The following CSMD3 variants were observed in gnomAD, a reference collection of about 807,000 sequenced individuals.
CSMD3 encodes the protein CUB and sushi domain-containing protein 3.
In CSMD3, 177 loss-of-function variants were observed where a neutral mutation model predicts 435.2. The observed-to-expected ratio is 0.41, with a 90% CI of 0.36 to 0.46. The LOEUF is 0.46. CSMD3 is among the 20% of genes least tolerant of loss of function. CSMD3 has a pLI of 0.34. For synonymous variants in CSMD3, 1,656 were observed against 1,520.5 expected, an observed-to-expected ratio of 1.09 and a Z score of -2.07; for missense variants, 4,265 against 4,504.6, an observed-to-expected ratio of 0.95 and a Z score of 1.52.
intron 38 of CSMD3, among the ~76,000 whole-genome samples, chr8:112,368,729 G>A (rs944192634): frequency 5.3e-5 from 8 of 152,114 alleles, no homozygotes; most frequent in African/African-American, 1.9e-4. Context: ...TAATACAGGA[G>A]TTAGGACTAA....
intron 13 of CSMD3, among the ~76,000 whole-genome samples, chr8:112,765,140 G>A (rs1404754264): frequency 3.3e-5 from 5 of 151,614 alleles, no homozygotes; most frequent in Non-Finnish European, 7.4e-5. Context: ...GTCACTAAAA[G>A]TAAAAAGGAG....
chr8:113,096,685 C>T (rs2090172069), intron 5 of CSMD3, among the ~76,000 whole-genome samples: 1 of 152,010 alleles, frequency 6.6e-6, no homozygotes, highest in Non-Finnish European at 1.5e-5. Context: ...CTTTCTTTCC[C>T]TCCTACTGCC....
At chr8:112,424,349 A>T (rs1392060151) in intron 32 of CSMD3, among the ~76,000 whole-genome samples, 2 of 152,222 alleles carry the variant, frequency 1.3e-5, no homozygotes, top group African/African-American at 4.8e-5. Flanking sequence ...TTTAAAAATT[A>T]ATTTTAAAGC....
At chr8:112,848,686 C>T (rs1372505652) in intron 11 of CSMD3, among the ~76,000 whole-genome samples, 1 of 152,034 alleles carries the variant, frequency 6.6e-6, no homozygotes, top group Non-Finnish European at 1.5e-5. Context: ...ACTCCTATGA[C>T]ATGGTGAGGC....
At chr8:112,614,944 G>A (rs1424813351) in intron 22 of CSMD3, among the ~76,000 whole-genome samples, 1 of 151,872 alleles carries the variant, frequency 6.6e-6, no homozygotes, top group Non-Finnish European at 1.5e-5. Context: ...AAAAATTGGA[G>A]TTGTTGAGTT....
chr8:113,118,501 G>A (rs536595810), intron 4 of CSMD3, among the ~76,000 whole-genome samples: 110 of 152,084 alleles, frequency 7.2e-4, no homozygotes, highest in African/African-American at 2.3e-3. Context: ...TGTTATATTT[G>A]TAAAATTATT....
At chr8:113,052,664 C>G (rs1316243369) in intron 5 of CSMD3, among the ~76,000 whole-genome samples, 6 of 152,034 alleles carry the variant, frequency 3.9e-5, no homozygotes, top group Non-Finnish European at 7.4e-5. Context: ...TGCCTATAGT[C>G]CAAGCTACTT....
intron 6 of CSMD3, among the ~76,000 whole-genome samples, chr8:113,011,982 T>C (rs1186570886): frequency 6.6e-6 from 1 of 151,722 alleles, no homozygotes; most frequent in Non-Finnish European, 1.5e-5. Context: ...AAAAATTGTT[T>C]TAAAAAAGAA....
intron 53 of CSMD3, among the ~76,000 whole-genome samples, chr8:112,297,854 C>T (rs1466277845): frequency 1.3e-5 from 2 of 151,932 alleles, no homozygotes; most frequent in African/African-American, 2.4e-5. Flanking sequence ...GGCACAGTGG[C>T]TTATGCCTAT....
At chr8:113,333,381 A>T (rs1422520322) in intron 1 of CSMD3, among the ~76,000 whole-genome samples, 1 of 151,798 alleles carries the variant, frequency 6.6e-6, no homozygotes, top group East Asian at 1.9e-4. Context: ...CATTTTTTGT[A>T]TCTATTTTTC....
chr8:112,716,150 C>A (rs944838693), intron 13 of CSMD3, among the ~76,000 whole-genome samples: 9 of 152,128 alleles, frequency 5.9e-5, no homozygotes, highest in Non-Finnish European at 1.2e-4. Context: ...TGTTTTCAGA[C>A]TACATGATTT....
At chr8:113,371,033 G>A (rs796162199) in intron 1 of CSMD3, among the ~76,000 whole-genome samples, 1 of 152,066 alleles carries the variant, frequency 6.6e-6, no homozygotes, top group African/African-American at 2.4e-5. Flanking sequence ...ATAGGTATGC[G>A]GAACTTAATC....
intron 12 of CSMD3, among the ~76,000 whole-genome samples, chr8:112,813,594 A>G (rs2079288206): frequency 6.6e-6 from 1 of 152,102 alleles, no homozygotes; most frequent in African/African-American, 2.4e-5. Flanking sequence ...ACTTACAGCA[A>G]AATTTTCGCT....
At chr8:112,910,820 A>G (rs997227786) in intron 10 of CSMD3, among the ~76,000 whole-genome samples, 2 of 151,912 alleles carry the variant, frequency 1.3e-5, no homozygotes. Flanking sequence ...ATTATTAGCC[A>G]TGTGGCTTAT....
chr8:112,862,911 T>C (rs1482310548), intron 10 of CSMD3, among the ~76,000 whole-genome samples: 3 of 152,118 alleles, frequency 2.0e-5, no homozygotes, highest in Admixed American at 2.0e-4. Flanking sequence ...ATAGTATCAA[T>C]CATTATGCTT....
chr8:113,013,078 C>A (rs1360190314), intron 6 of CSMD3, among the ~76,000 whole-genome samples: 3 of 151,962 alleles, frequency 2.0e-5, no homozygotes, highest in African/African-American at 7.2e-5. Context: ...TCTCTCTTTA[C>A]AGAAATTTGC....
At chr8:112,256,499 C>T (rs1486985473) in intron 61 of CSMD3, among the ~76,000 whole-genome samples, 1 of 152,082 alleles carries the variant, frequency 6.6e-6, no homozygotes, top group Admixed American at 6.6e-5. Context: ...ACTGCCAAAG[C>T]CTTCTGCTGG....
At chr8:113,384,834 G>A (rs1426315242) in intron 1 of CSMD3, among the ~76,000 whole-genome samples, 3 of 152,116 alleles carry the variant, frequency 2.0e-5, no homozygotes, top group Non-Finnish European at 4.4e-5. Flanking sequence ...GTGGAACCCA[G>A]TGGAAAGTCA....
intron 52 of CSMD3, among the ~76,000 whole-genome samples, chr8:112,304,182 G>A (rs565969587): frequency 7.9e-5 from 12 of 152,070 alleles, no homozygotes; most frequent in Non-Finnish European, 1.6e-4. Flanking sequence ...AATGTTTGCA[G>A]TAACTCTACA....
Sources: allele counts gnomAD v4.1 joint callset (sites outside exome capture counted in the v4.1 genomes callset), GRCh38; gene constraint gnomAD v4.1.1; transcripts MANE v1.5; gene names NCBI Gene and HGNC (gene_info 2026-07-23, HGNC 2026-07-21).